NOX4: variants seen among roughly 807,000 people sequenced by gnomAD.
NOX4 encodes the protein NADPH oxidase 4.
Under a neutral mutation model 87.6 loss-of-function variants are expected in NOX4, and 69 were observed. The ratio of observed to expected loss-of-function variants is 0.79; its 90% confidence interval spans 0.65 to 0.96. The LOEUF is 0.96. NOX4 is among the 40% of genes least tolerant of loss of function. The pLI, the probability that NOX4 is intolerant of heterozygous loss-of-function variation, is 0.00. For synonymous variants in NOX4, 275 were observed against 238.2 expected (o/e 1.15, Z -1.42); for missense variants, 680 against 681.5 (o/e 1.00, Z 0.02).
chr11:89,425,931 T>A (rs1165338768), intron 7 of NOX4, among the ~76,000 whole-genome samples: 2 of 152,130 alleles, frequency 1.3e-5, no homozygotes, highest in Non-Finnish European at 2.9e-5. Flanking sequence ...TTCTTGAAGA[T>A]TAGAGGAAAT....
chr11:89,555,552 T>C, the NOX4 span, among the ~76,000 whole-genome samples: 3 of 152,174 alleles, frequency 2.0e-5, no homozygotes, highest in Non-Finnish European at 4.4e-5. Context: ...ATCCTCTTAT[T>C]GTTATATAAC....
the NOX4 span, among the ~76,000 whole-genome samples, chr11:89,563,033 G>A: frequency 6.6e-6 from 1 of 152,106 alleles, no homozygotes; most frequent in African/African-American, 2.4e-5. Context: ...TGTGAAAAAG[G>A]TGCCTGCTTC....
chr11:89,444,291 A>G, intron 4 of NOX4, 59 bp from the exon 5 acceptor site: 1 of 1,399,560 alleles, frequency 7.1e-7, no homozygotes, highest in African/African-American at 1.4e-5. Context: ...TATGTCAAGG[A>G]CTCAGTTCTT....
intron 11 of NOX4, among the ~76,000 whole-genome samples, chr11:89,392,848 C>A (rs1226446055): frequency 3.9e-5 from 6 of 152,036 alleles, no homozygotes; most frequent in Admixed American, 3.9e-4. Flanking sequence ...GTTGAGTAAG[C>A]AAAATATGTT....
chr11:89,450,345 A>G (rs1458962620), intron 3 of NOX4, among the ~76,000 whole-genome samples: 1 of 152,156 alleles, frequency 6.6e-6, no homozygotes, highest in African/African-American at 2.4e-5. Flanking sequence ...TAGAACATCA[A>G]AGTGATCTCA....
chr11:89,402,312 A>T lies in NOX4; in HGVS notation c.846+14T>A, dbSNP rs553301343. The T allele has an allele frequency of 6.2e-7, 1 of 1,601,300 alleles. No homozygotes were observed. Among genetic ancestry groups the T allele is most frequent in the Non-Finnish European group, 8.6e-7 (1 of 1,168,874 alleles). On this transcript the variant is annotated intron_variant, in intron 9 of 17. Coordinates refer to ENST00000263317, the MANE Select transcript of NOX4 (RefSeq NM_016931.5). The stretch of plus-strand genomic sequence containing the variant: ...AACAAACTTTGTGGAGATCAAACAC[A>T]AAATTAATCTGACCTGTGGAAAATT...
At chr11:89,514,216 C>A in the NOX4 span, among the ~76,000 whole-genome samples, 1 of 152,036 alleles carries the variant, frequency 6.6e-6, no homozygotes, top group Middle Eastern at 3.4e-3. Flanking sequence ...GAATATCACA[C>A]TTTTTAAATA....
the NOX4 span, among the ~76,000 whole-genome samples, chr11:89,584,987 T>C: frequency 6.6e-6 from 1 of 152,260 alleles, no homozygotes; most frequent in Admixed American, 6.5e-5. Context: ...GTTTTTGGTA[T>C]AATTACTTCT....
chr11:89,557,778 T>C, the NOX4 span, among the ~76,000 whole-genome samples: 1 of 152,040 alleles, frequency 6.6e-6, no homozygotes, highest in Non-Finnish European at 1.5e-5. Context: ...GGGGGTTACA[T>C]GGGGTAGAGC....
At chr11:89,357,830 A>G (rs946048530) in intron 12 of NOX4, among the ~76,000 whole-genome samples, 4 of 152,144 alleles carry the variant, frequency 2.6e-5, no homozygotes, top group African/African-American at 9.6e-5. Context: ...ACATAACCAT[A>G]AAGGACATAT....
chr11:89,571,896 C>T, the NOX4 span, among the ~76,000 whole-genome samples: 857 of 152,244 alleles, frequency 5.6e-3, 7 homozygotes, highest in African/African-American at 0.02. Flanking sequence ...TGAGGCTCAC[C>T]TGAGACAAAT....
chr11:89,361,909 A>T (rs1938553419), intron 12 of NOX4, among the ~76,000 whole-genome samples: 1 of 152,034 alleles, frequency 6.6e-6, no homozygotes, highest in Admixed American at 6.6e-5. Context: ...TCCATCTGTC[A>T]CTTCCATCAG....
In NOX4 at chr11:89,442,118, C is replaced by T. The variant is rs550587729; in HGVS notation, c.448-1403G>A. Among the ~76,000 whole-genome samples the T allele has an allele frequency of 8.0e-5, 12 of 150,332 alleles. 1 individual carries two copies. The South Asian group carries it at 2.5e-3, about 31-fold the overall frequency. On this transcript the variant is annotated intron_variant, in intron 5 of 17. Transcript: ENST00000263317. Reference sequence around the variant, plus strand: ...TGCATGGCCTTGTACCTATTAGATGCTAAATACATATTTATTAAAAAGAGA... The same window carrying T: ...TGCATGGCCTTGTACCTATTAGATGTTAAATACATATTTATTAAAAAGAGA...
At chr11:89,414,990 G>A (rs1942681788) in intron 8 of NOX4, among the ~76,000 whole-genome samples, 1 of 151,824 alleles carries the variant, frequency 6.6e-6, no homozygotes, top group African/African-American at 2.4e-5. Flanking sequence ...TCAAGAAAAG[G>A]GTAGAAGTTA....
At chr11:89,582,991 A>G in the NOX4 span, among the ~76,000 whole-genome samples, 1 of 152,180 alleles carries the variant, frequency 6.6e-6, no homozygotes, top group African/African-American at 2.4e-5. Context: ...ACTGAATCAC[A>G]TACAAGCAAC....
intron 13 of NOX4, among the ~76,000 whole-genome samples, chr11:89,343,022 C>A (rs1946070527): frequency 6.6e-6 from 1 of 152,088 alleles, no homozygotes; most frequent in Non-Finnish European, 1.5e-5. Flanking sequence ...TATATTTTGG[C>A]CACTGCCCCC....
chr11:89,503,897 T>C, the NOX4 span, among the ~76,000 whole-genome samples: 5 of 147,716 alleles, frequency 3.4e-5, no homozygotes, highest in Admixed American at 6.9e-5. Context: ...ATGGCCACCA[T>C]AGACATGATC....
intron 11 of NOX4, among the ~76,000 whole-genome samples, chr11:89,399,561 T>C (rs757670461): frequency 1.3e-5 from 2 of 148,596 alleles, no homozygotes; most frequent in Non-Finnish European, 3.0e-5. Flanking sequence ...ACACTGGGGC[T>C]CAAGCAATCC....
Position 89,337,493 on chromosome 11 carries a change from T to A in NOX4, c.1469A>T (p.Asp490Val), listed in dbSNP as rs1279747986. 6.2e-7 allele frequency: 1 copy of A among 1,612,084 alleles called. No homozygotes were observed. Among genetic ancestry groups the A allele is most frequent in the Non-Finnish European group, 8.5e-7 (1 of 1,178,766 alleles). The change falls in exon 16 of 18, where the codon GAC becomes GTC. Residue 490 changes from aspartate (D) to valine (V), a missense_variant. Asp to Val is a radical substitution (Grantham distance 152, BLOSUM62 -3). Transcript: ENST00000263317. ...HNKFWQENRP[D>V]YVNIQLYLSQ... The stretch of plus-strand genomic sequence containing the variant: ...GAGGTACAGCTGGATGTTGACATAG[T>A]CAGGTCTGTTCTCTTGCCAAAACTG...
Sources: gnomAD v4.1 joint callset for allele counts (sites outside exome capture counted in the v4.1 genomes callset) on GRCh38, gnomAD v4.1.1 for gene constraint, MANE v1.5 for transcripts, NCBI Gene and HGNC (gene_info 2026-07-23, HGNC 2026-07-21) for gene names.